PRKCA: variants seen among roughly 807,000 people sequenced by gnomAD.
PRKCA encodes the protein protein kinase C alpha type.
In PRKCA, 27 loss-of-function variants were observed where a neutral mutation model predicts 87.0. The observed-to-expected ratio is 0.31, with a 90% confidence interval of 0.23 to 0.43. The LOEUF (loss-of-function observed/expected upper bound fraction) is 0.43. Among genes scored for constraint, PRKCA ranks in the 20% least tolerant of loss-of-function variants. The pLI is 1.00. For synonymous variants in PRKCA, 329 were observed against 311.1 expected, an observed-to-expected ratio of 1.06 and a Z score of -0.61; for missense variants, 518 against 852.3, an observed-to-expected ratio of 0.61 and a Z score of 4.88.
At chr17:66,440,114 A>G (rs1008070617) in intron 2 of PRKCA, among the ~76,000 whole-genome samples, 1 of 152,222 alleles carries the variant, frequency 6.6e-6, no homozygotes, top group Non-Finnish European at 1.5e-5. Flanking sequence ...TTCCTATGAA[A>G]TGCCAGAAAC....
intron 2 of PRKCA, among the ~76,000 whole-genome samples, chr17:66,479,805 G>A (rs1186454660): frequency 6.6e-6 from 1 of 152,124 alleles, no homozygotes; most frequent in African/African-American, 2.4e-5. Context: ...GCTAAACAAT[G>A]AGAACACATG....
intron 2 of PRKCA, among the ~76,000 whole-genome samples, chr17:66,408,398 C>T (rs1340942992): frequency 1.3e-5 from 2 of 152,136 alleles, no homozygotes; most frequent in Non-Finnish European, 2.9e-5. Flanking sequence ...TCAAGGTTGT[C>T]AAATATTGTA....
chr17:66,587,779 GTATA>G (rs1969652393), intron 3 of PRKCA, among the ~76,000 whole-genome samples: 3 of 113,162 alleles, frequency 2.7e-5, no homozygotes, highest in Non-Finnish European at 5.7e-5. Context: ...GTATATGTGT[GTATA>G]TGTATACATA....
intron 2 of PRKCA, among the ~76,000 whole-genome samples, chr17:66,437,733 A>ATTTTTTTTTT (rs1913480764): frequency 2.1e-3 from 8 of 3,774 alleles, no homozygotes; most frequent in Admixed American, 4.0e-3. Context: ...TTTTTTTTTG[A>ATTTTTTTTTT]GCGGGGGGTG....
chr17:66,721,612 T>C (rs1973619332), intron 8 of PRKCA, among the ~76,000 whole-genome samples: 1 of 152,154 alleles, frequency 6.6e-6, no homozygotes, highest in African/African-American at 2.4e-5. Flanking sequence ...ATGGCATTTA[T>C]AGACCATCAT....
At chr17:66,319,774 C>T (rs1188714585) in intron 2 of PRKCA, among the ~76,000 whole-genome samples, 1 of 151,572 alleles carries the variant, frequency 6.6e-6, no homozygotes, top group Non-Finnish European at 1.5e-5. Flanking sequence ...CAGAGTCTTG[C>T]TCTGTCGCTC....
intron 2 of PRKCA, among the ~76,000 whole-genome samples, chr17:66,422,979 C>G (rs990201828): frequency 3.3e-5 from 5 of 152,070 alleles, no homozygotes; most frequent in Non-Finnish European, 7.4e-5. Flanking sequence ...AGCATAGTGG[C>G]AGGCACCTGT....
chr17:66,534,780 A>T (rs1176300149), intron 3 of PRKCA, among the ~76,000 whole-genome samples: 1 of 152,160 alleles, frequency 6.6e-6, no homozygotes, highest in African/African-American at 2.4e-5. Flanking sequence ...CTTCTTAAGG[A>T]CTCATGGTAA....
chr17:66,761,932 AAAG>A (rs778720445), intron 13 of PRKCA, among the ~76,000 whole-genome samples: 34 of 152,136 alleles, frequency 2.2e-4, no homozygotes, highest in Non-Finnish European at 1.3e-4. Context: ...GGGAGTGAGC[AAAG>A]GAGAGGGCCA....
At chr17:66,527,701 T>C (rs1471358157) in intron 3 of PRKCA, among the ~76,000 whole-genome samples, 1 of 152,254 alleles carries the variant, frequency 6.6e-6, no homozygotes, top group African/African-American at 2.4e-5. Context: ...TTCTTCTTTC[T>C]ACTTTTTAAG....
rs2046346082 is a variant in PRKCA, at chr17:66,781,298, G to T, written c.1606-5569G>T. ...ACCGGCCAATGAGATCAGAGGGGAGGTGTCCAGGGTGGGGCTGGAAGCGCA... is the reference window on the plus strand; with the variant it reads ...ACCGGCCAATGAGATCAGAGGGGAGTTGTCCAGGGTGGGGCTGGAAGCGCA... On this transcript the variant is annotated intron_variant, in intron 14 of 16. Transcript: ENST00000413366. 2.6e-5 allele frequency among the ~76,000 whole-genome samples: 4 copies of T among 152,072 alleles called. No homozygotes were observed. The South Asian group carries it at 8.3e-4, about 32-fold the overall frequency.
chr17:66,393,041 C>G (rs1350901748), intron 2 of PRKCA, among the ~76,000 whole-genome samples: 2 of 152,022 alleles, frequency 1.3e-5, no homozygotes, highest in South Asian at 4.1e-4. Context: ...AAAACAAATA[C>G]TGAATATTGG....
chr17:66,641,548 CT>C, intron 4 of PRKCA, 82 bp downstream of exon 4: 1 of 869,226 alleles, frequency 1.2e-6, no homozygotes. Flanking sequence ...GGCTCAGTAA[CT>C]TTTCAACACC....
chr17:66,429,672 G>A (rs977150587), intron 2 of PRKCA, among the ~76,000 whole-genome samples: 3 of 152,038 alleles, frequency 2.0e-5, no homozygotes, highest in Non-Finnish European at 4.4e-5. Context: ...GGAAGCTACC[G>A]CCTATCTGGT....
At chr17:66,498,200 T>C (rs756563257) in intron 3 of PRKCA, among the ~76,000 whole-genome samples, 4 of 152,006 alleles carry the variant, frequency 2.6e-5, no homozygotes, top group Non-Finnish European at 5.9e-5. Context: ...TCTGGAATAT[T>C]GTCTTCCTTT....
At chr17:66,555,086 C>T (rs1306271563) in intron 3 of PRKCA, among the ~76,000 whole-genome samples, 1 of 152,072 alleles carries the variant, frequency 6.6e-6, no homozygotes. Flanking sequence ...CCCTGTTGCC[C>T]AGGCTCGTCT....
chr17:66,587,852 TAC>T (rs1969659376), intron 3 of PRKCA, among the ~76,000 whole-genome samples: 2 of 127,648 alleles, frequency 1.6e-5, no homozygotes, highest in Non-Finnish European at 3.5e-5. Context: ...TATCTACATA[TAC>T]ATATATACAT....
intron 8 of PRKCA, among the ~76,000 whole-genome samples, chr17:66,719,072 A>G (rs550843601): frequency 6.6e-6 from 1 of 152,292 alleles, no homozygotes; most frequent in Admixed American, 6.5e-5. Context: ...AAGGTCACAA[A>G]CAAGTAATTA....
intron 1 of PRKCA, 117 bp downstream of exon 1, chr17:66,303,141 G>T: frequency 7.3e-7 from 1 of 1,366,830 alleles, no homozygotes. Flanking sequence ...GAACCGGCGG[G>T]AGTCCGAACT....
Sources: allele counts gnomAD v4.1 joint callset (sites outside exome capture counted in the v4.1 genomes callset), GRCh38; gene constraint gnomAD v4.1.1; transcripts MANE v1.5; gene names NCBI Gene and HGNC (gene_info 2026-07-23, HGNC 2026-07-21).